The following EEIG2 variants were observed in gnomAD, a reference collection of about 807,000 sequenced individuals.
The protein encoded by EEIG2 is EEIG family member 2.
the EEIG2 span, among the ~76,000 whole-genome samples, chr1:108,584,613 T>G: frequency 6.6e-6 from 1 of 152,202 alleles, no homozygotes; most frequent in Non-Finnish European, 1.5e-5. Context: ...TGTTCGCAGA[T>G]TACAACCACC....
chr1:108,634,775 T>C, the EEIG2 span, among the ~76,000 whole-genome samples: 1 of 152,200 alleles, frequency 6.6e-6, no homozygotes, highest in Admixed American at 6.5e-5. Context: ...AGTCAACATA[T>C]GCTCTTGGAT....
At chr1:108,603,646 A>G in the EEIG2 span, among the ~76,000 whole-genome samples, 3 of 152,228 alleles carry the variant, frequency 2.0e-5, no homozygotes, top group African/African-American at 7.2e-5. Flanking sequence ...ACCAAAAATC[A>G]AAAGGAAAAA....
chr1:108,572,754 T>G, the EEIG2 span, among the ~76,000 whole-genome samples: 1 of 152,162 alleles, frequency 6.6e-6, no homozygotes, highest in Admixed American at 6.5e-5. Flanking sequence ...TAGCTGGGAT[T>G]ACAGGAGCGC....
chr1:108,627,167 A>G, the EEIG2 span: 1 of 152,222 alleles, frequency 6.6e-6, no homozygotes, highest in Admixed American at 6.5e-5. Flanking sequence ...ACCCAGAAGT[A>G]AAGAGCGCTG....
chr1:108,603,854 C>A, the EEIG2 span, among the ~76,000 whole-genome samples: 1 of 152,088 alleles, frequency 6.6e-6, no homozygotes, highest in Non-Finnish European at 1.5e-5. Context: ...AATAAAACTT[C>A]AACAGATGGA....
chr1:108,581,836 C>T, the EEIG2 span, among the ~76,000 whole-genome samples: 8 of 152,130 alleles, frequency 5.3e-5, no homozygotes, highest in Non-Finnish European at 8.8e-5. Context: ...AAACCATAAA[C>T]TTAATAAAGC....
At chr1:108,638,685 C>T in the EEIG2 span, 1 of 3,822 alleles carries the variant, frequency 2.6e-4, no homozygotes, top group Non-Finnish European at 7.5e-3. Context: ...TATGCCACTA[C>T]TCATGTTGTC....
the EEIG2 span, chr1:108,626,502 C>T: frequency 2.0e-5 from 3 of 152,218 alleles, no homozygotes; most frequent in Non-Finnish European, 4.4e-5. Flanking sequence ...GTTTTCCTGA[C>T]ACAAACTTCT....
chr1:108,606,348 G>A, the EEIG2 span: 1 of 765,434 alleles, frequency 1.3e-6, no homozygotes, highest in Non-Finnish European at 2.0e-6. Context: ...TCTAATATCT[G>A]TTCAAGCTTG....
chr1:108,586,500 G>A, the EEIG2 span, among the ~76,000 whole-genome samples: 1 of 152,060 alleles, frequency 6.6e-6, no homozygotes, highest in Non-Finnish European at 1.5e-5. Flanking sequence ...CATCCCTTCA[G>A]TGTTGAAATT....
chr1:108,632,459 A>C, the EEIG2 span, among the ~76,000 whole-genome samples: 4 of 152,184 alleles, frequency 2.6e-5, no homozygotes, highest in Admixed American at 6.5e-5. Flanking sequence ...TTGGCATTTT[A>C]GAAAAATAAC....
chr1:108,599,552 CT>C, the EEIG2 span, among the ~76,000 whole-genome samples: 626 of 152,256 alleles, frequency 4.1e-3, 6 homozygotes, highest in African/African-American at 0.015. Flanking sequence ...GGCCTGGGAG[CT>C]TGAAAGAGCA....
chr1:108,583,882 T>C, the EEIG2 span, among the ~76,000 whole-genome samples: 123,830 of 152,048 alleles, frequency 0.81, 52,525 homozygotes, highest in Non-Finnish European at 0.94. Flanking sequence ...AGACCAAACA[T>C]TGGGGAGGTA....
At chr1:108,561,243 TAGC>T in the EEIG2 span, among the ~76,000 whole-genome samples, 13 of 152,318 alleles carry the variant, frequency 8.5e-5, no homozygotes, top group South Asian at 2.7e-3. Flanking sequence ...AGAGAGGCAT[TAGC>T]AGGTTACAGA....
chr1:108,576,027 G>T, the EEIG2 span, among the ~76,000 whole-genome samples: 12 of 152,276 alleles, frequency 7.9e-5, no homozygotes, highest in African/African-American at 2.9e-4. Context: ...TTTTGTGTGT[G>T]TGTGAGATAC....
the EEIG2 span, among the ~76,000 whole-genome samples, chr1:108,634,684 C>A: frequency 6.6e-6 from 1 of 152,180 alleles, no homozygotes; most frequent in Non-Finnish European, 1.5e-5. Flanking sequence ...CAGAATGAGA[C>A]CCTGCCATGA....
chr1:108,604,165 G>C, the EEIG2 span, among the ~76,000 whole-genome samples: 4 of 152,358 alleles, frequency 2.6e-5, no homozygotes, highest in Middle Eastern at 3.4e-3. Context: ...CCTGGCTGTG[G>C]CGTGGGAAAC....
At chr1:108,622,543 T>G in the EEIG2 span, among the ~76,000 whole-genome samples, 1 of 152,216 alleles carries the variant, frequency 6.6e-6, no homozygotes, top group Non-Finnish European at 1.5e-5. Flanking sequence ...ATTCTAGTTT[T>G]GGTGACTTTG....
At chr1:108,578,647 C>T in the EEIG2 span, among the ~76,000 whole-genome samples, 12 of 151,742 alleles carry the variant, frequency 7.9e-5, no homozygotes, top group Admixed American at 3.3e-4. Context: ...CCAGATTCAC[C>T]GAAGTTGAAA....
Sources: allele counts gnomAD v4.1 joint callset (sites outside exome capture counted in the v4.1 genomes callset), GRCh38; gene constraint gnomAD v4.1.1; transcripts MANE v1.5; gene names NCBI Gene and HGNC (gene_info 2026-07-23, HGNC 2026-07-21).